The following PKD2 variants were observed in gnomAD, a reference collection of about 807,000 sequenced individuals.
PKD2 encodes the protein polycystin 2, transient receptor potential cation channel, also known as polycystin-2.
PKD2 carries 48 observed loss-of-function variants against 105.9 expected under a neutral mutation model. The ratio of observed to expected loss-of-function variants is 0.45; its 90% confidence interval spans 0.36 to 0.58. The LOEUF (loss-of-function observed/expected upper bound fraction) is 0.58. Ranked by LOEUF, PKD2 falls within the 20% of genes least tolerant of loss-of-function variation. The pLI is 0.00. For missense variants in PKD2, 1,078 were observed against 1,255.3 expected (o/e 0.86, Z 2.13); for synonymous variants, 464 against 481.1 (o/e 0.96, Z 0.46).
At chr4:88,052,702 G>A (rs1198611522) in intron 7 of PKD2, among the ~76,000 whole-genome samples, 2 of 152,140 alleles carry the variant, frequency 1.3e-5, no homozygotes, top group African/African-American at 4.8e-5. Flanking sequence ...GCAGTAAGAG[G>A]CCTTTCAGTG....
chr4:88,037,556 T>C (rs1316942322), intron 3 of PKD2, among the ~76,000 whole-genome samples: 2 of 152,216 alleles, frequency 1.3e-5, no homozygotes, highest in Admixed American at 1.3e-4. Flanking sequence ...ACTATTCATA[T>C]ATAAAAGTAC....
Position 88,065,852 on chromosome 4 carries a change from G to A in PKD2, c.2331G>A (p.Gln777=), listed in dbSNP as rs772387830. Residue 777 remains glutamine (Q), a synonymous_variant, in exon 12 of 15, where the codon CAG becomes CAA. Transcript: ENST00000237596. Reference sequence around the variant, plus strand: ...AACTGACCGAACATGAACATCAGCAGATGAGAGACGACTTGGAGAAAGAGA... The same window carrying A: ...AACTGACCGAACATGAACATCAGCAAATGAGAGACGACTTGGAGAAAGAGA... ...DQELTEHEHQ[Q]MRDDLEKERE... is the part of the protein sequence containing the mutation. 2 of 1,611,704 alleles carry A rather than the reference G, an allele frequency of 1.2e-6. No individual in the cohort carries two copies. The highest frequency in any genetic ancestry group is 1.7e-6 in the Non-Finnish European group (2 of 1,177,818).
In PKD2 at chr4:88,009,329, C is replaced by T. The variant is rs561974242; in HGVS notation, c.595+1001C>T. 4.6e-5 allele frequency among the ~76,000 whole-genome samples: 7 copies of T among 152,224 alleles called. No individual in the cohort carries two copies. In the South Asian group the frequency reaches 1.2e-3, roughly 27 times the overall value. ...TCAGTTGAGTTTTTCTTGTTCTTCT[C>T]CTTCTGTCAGTTTTGAAAGTCTTGC... is the stretch of plus-strand genomic sequence containing the variant. On this transcript the variant is annotated intron_variant, in intron 1 of 14. Coordinates refer to ENST00000237596, the MANE Select transcript of PKD2 (RefSeq NM_000297.4).
At chr4:88,060,887 T>C (rs773718120) in intron 9 of PKD2, among the ~76,000 whole-genome samples, 1 of 152,178 alleles carries the variant, frequency 6.6e-6, no homozygotes, top group Non-Finnish European at 1.5e-5. Flanking sequence ...CCAACAAATA[T>C]GTAAGGGAGA....
chr4:88,056,185 A>G lies in PKD2; in HGVS notation c.1816A>G (p.Ile606Val), dbSNP rs755666887. The change falls in exon 8 of 15, where the codon ATT becomes GTT. Residue 606 changes from isoleucine to valine, a missense_variant. Coordinates refer to ENST00000237596, the MANE Select transcript of PKD2 (RefSeq NM_000297.4). The stretch of plus-strand genomic sequence containing the variant: ...GTTTGGCTTTGCTATTATGTTCTTC[A>G]TTATTTTCCTAGCGTATGCTCAGTT... The part of the protein sequence containing the change: ...DLFGFAIMFF[I>V]IFLAYAQLAY... The G allele has an allele frequency of 1.2e-6, 2 of 1,613,676 alleles. No homozygotes were observed. Among genetic ancestry groups the G allele is most frequent in the African/African-American group, 1.3e-5 (1 of 75,014 alleles).
At chr4:88,017,601 G>A (rs1359330095) in intron 1 of PKD2, among the ~76,000 whole-genome samples, 2 of 152,096 alleles carry the variant, frequency 1.3e-5, no homozygotes, top group East Asian at 1.9e-4. Context: ...GTAGAGACAG[G>A]GTTTCACCAT....
intron 2 of PKD2, among the ~76,000 whole-genome samples, chr4:88,033,534 GC>G (rs1727233378): frequency 6.6e-6 from 1 of 152,022 alleles, no homozygotes. Context: ...TCTGTTGCTT[GC>G]CCTTGGTGAA....
intron 1 of PKD2, among the ~76,000 whole-genome samples, chr4:88,009,308 T>A (rs1726308592): frequency 6.6e-6 from 1 of 152,230 alleles, no homozygotes; most frequent in Admixed American, 6.5e-5. Context: ...CCATTCTCAG[T>A]TGAGTTTTTC....
In PKD2 at chr4:88,038,489, G is replaced by A. The variant is rs753359659; in HGVS notation, c.1082G>A (p.Arg361Gln). Reference protein sequence around the residue: ...SSEDRAPFGPRNGTAWIYTSE... With the variant: ...SSEDRAPFGPQNGTAWIYTSE... Reference sequence around the variant, plus strand: ...GAAGATAGGGCTCCCTTTGGGCCCCGAAATGGAACCGCGTAAGTGTCTGTG... The same window carrying A: ...GAAGATAGGGCTCCCTTTGGGCCCCAAAATGGAACCGCGTAAGTGTCTGTG... Residue 361 changes from arginine (R) to glutamine (Q), a missense_variant, in exon 4 of 15, where the codon CGA (arginine) becomes CAA (glutamine). By Grantham distance (43) the Arg-to-Gln change is conservative (BLOSUM62 1). Around this residue, in one of 2 missense-constraint regions of PKD2, gnomAD observed 868 missense variants for 1,067.3 expected, o/e 0.81. Transcript: ENST00000237596. 140 of 1,613,796 alleles carry A rather than the reference G, an allele frequency of 8.7e-5. 3 individuals are homozygous for A. In the Admixed American group the frequency reaches 1.3e-3, roughly 15 times the overall value.
chr4:88,017,342 C>G (rs1206711234), intron 1 of PKD2, among the ~76,000 whole-genome samples: 1 of 152,194 alleles, frequency 6.6e-6, no homozygotes, highest in East Asian at 1.9e-4. Context: ...AGACTTGTTT[C>G]TTTCCATTTG....
intron 5 of PKD2, among the ~76,000 whole-genome samples, chr4:88,043,756 C>T (rs1002470162): frequency 3.3e-5 from 5 of 152,138 alleles, no homozygotes; most frequent in African/African-American, 1.2e-4. Flanking sequence ...TGTCTTTACC[C>T]ATTATAAGGA....
rs573780784 is a variant in PKD2 at position 88,061,693 on chromosome 4, G to A, written c.2020-213G>A. On this transcript the variant is annotated intron_variant, in intron 9 of 14. Transcript: ENST00000237596. ...GCAGAGGTTGCAGTAAGCTGAGGTCGCGCCCCTGCACTCCAGCCTGGGCAA... is the reference window on the plus strand; with the variant it reads ...GCAGAGGTTGCAGTAAGCTGAGGTCACGCCCCTGCACTCCAGCCTGGGCAA... Among the ~76,000 whole-genome samples the A allele has an allele frequency of 5.3e-5, 8 of 151,830 alleles. No individual in the cohort carries two copies. The South Asian group carries it at 6.2e-4, about 12-fold the overall frequency.
intron 2 of PKD2, among the ~76,000 whole-genome samples, chr4:88,022,334 G>A (rs1306241824): frequency 2.0e-5 from 3 of 152,130 alleles, no homozygotes; most frequent in African/African-American, 7.2e-5. Flanking sequence ...CCATATCCTT[G>A]TAAATTATTA....
At position 88,007,919 on chromosome 4, in the gene PKD2, G is replaced by A. The variant is rs1205547136; in HGVS notation, c.186G>A (p.Ala62=). The A allele has an allele frequency of 7.0e-7, 1 of 1,435,156 alleles. No individual in the cohort carries two copies. Among genetic ancestry groups the A allele is most frequent in the Non-Finnish European group, 9.2e-7 (1 of 1,089,594 alleles). The allele number at this position is 1,435,156 out of a possible 1,614,324, so 88.9% of individuals were successfully genotyped here. A position where few individuals can be genotyped will look rare whatever the true frequency, so the allele number is the denominator to read the frequency against. Residue 62 remains alanine, a synonymous_variant, in exon 1 of 15, where the codon GCG becomes GCA. Coordinates refer to ENST00000237596, the MANE Select transcript of PKD2 (RefSeq NM_000297.4). The part of the protein sequence containing the change: ...LEIEMQRIRQ[A]AARDPPAGAA... ...TCGAGATGCAGCGCATCCGGCAGGCGGCCGCGCGGGACCCCCCGGCCGGAG... is the reference window on the plus strand; with the variant it reads ...TCGAGATGCAGCGCATCCGGCAGGCAGCCGCGCGGGACCCCCCGGCCGGAG...
chr4:88,046,764 G>C lies in PKD2; in HGVS notation c.1442G>C (p.Cys481Ser), dbSNP rs1727788721. 1.9e-6 allele frequency: 3 copies of C among 1,611,788 alleles called. No homozygotes were observed. The South Asian group carries it at 3.3e-5, about 18-fold the overall frequency. Residue 481 changes from cysteine to serine, a missense_variant, in exon 6 of 15, where the codon TGT becomes TCT. Coordinates refer to ENST00000237596, the MANE Select transcript of PKD2 (RefSeq NM_000297.4). ...FFLAACEIIFCFFIFYYVVEE... is the reference protein window; with the variant it reads ...FFLAACEIIFSFFIFYYVVEE... ...CTGGCAGCCTGTGAGATTATCTTTT[G>C]TTTCTTTATCTTTTACTATGTGGTG...
intron 4 of PKD2, among the ~76,000 whole-genome samples, chr4:88,039,664 C>CAAAAA: frequency 1.0e-5 from 1 of 97,562 alleles, no homozygotes; most frequent in Non-Finnish European, 2.2e-5. Flanking sequence ...GACTCCCCCT[C>CAAAAA]AAAAAAAAAA....
chr4:88,034,336 C>G (rs1322028138), intron 2 of PKD2, among the ~76,000 whole-genome samples: 1 of 151,852 alleles, frequency 6.6e-6, no homozygotes, highest in Non-Finnish European at 1.5e-5. Flanking sequence ...TATTATCTAC[C>G]CTTCTCCTTA....
At chr4:88,070,597 T>G (rs201139119) in intron 13 of PKD2, among the ~76,000 whole-genome samples, 28,873 of 97,634 alleles carry the variant, frequency 0.3, 3,607 homozygotes, top group South Asian at 0.38. Context: ...TATATATATA[T>G]ATATAGAGAG....
At chr4:88,027,531 G>A (rs1399505187) in intron 2 of PKD2, among the ~76,000 whole-genome samples, 1 of 152,198 alleles carries the variant, frequency 6.6e-6, no homozygotes, top group African/African-American at 2.4e-5. Context: ...TGTCTCAGAT[G>A]AGACTTTGGA....
Sources: gnomAD v4.1 joint callset for allele counts (sites outside exome capture counted in the v4.1 genomes callset) on GRCh38, gnomAD v4.1.1 for gene constraint, gnomAD v4.1.1 regional missense constraint, MANE v1.5 for transcripts, NCBI Gene and HGNC (gene_info 2026-07-23, HGNC 2026-07-21) for gene names.